Variants in PRKG1 observed in about 807,000 individuals in gnomAD.
PRKG1 encodes protein kinase cGMP-dependent 1, also known as cGMP-dependent protein kinase 1.
A neutral mutation model predicts 88.1 loss-of-function variants in PRKG1; 35 were observed. That is an observed-to-expected ratio of 0.40 (90% CI 0.30 to 0.53). The LOEUF (loss-of-function observed/expected upper bound fraction) is 0.53. Among genes scored for constraint, PRKG1 ranks in the 20% least tolerant of loss-of-function variants. The probability of loss-of-function intolerance (pLI) is 0.59; values close to 1 mark genes in which losing one functional copy is unlikely to be tolerated. For missense variants in PRKG1, 540 were observed against 839.8 expected (o/e 0.64, Z 4.41); for synonymous variants, 303 against 292.5 (o/e 1.04, Z -0.37).
intron 2 of PRKG1, among the ~76,000 whole-genome samples, chr10:51,327,525 G>C (rs535323946): frequency 6.6e-6 from 1 of 151,754 alleles, no homozygotes; most frequent in Non-Finnish European, 1.5e-5. Flanking sequence ...AAAATTGCAC[G>C]TACAGACATG....
At position 51,566,872 on chromosome 10, in the gene PRKG1, CAA is replaced by C. The variant is rs925035794; in HGVS notation, c.592+99042_592+99043del. Among the ~76,000 whole-genome samples the C allele has an allele frequency of 6.1e-5, 9 of 146,788 alleles. No homozygotes were observed. In the Middle Eastern group the frequency reaches 0.01, roughly 169 times the overall value. ...TGATAAGGACACCCCATTGGGAAGA[CAA>C]AAAAATACAGTAGATCTTAAATGTT... On this transcript the variant is annotated intron_variant, in intron 3 of 17. Transcript: ENST00000373980.
At chr10:51,284,628 G>A (rs891649500) in intron 2 of PRKG1, among the ~76,000 whole-genome samples, 18 of 152,088 alleles carry the variant, frequency 1.2e-4, no homozygotes, top group African/African-American at 4.3e-4. Context: ...ATTTTTAAAG[G>A]TGTTTTGTAA....
chr10:52,052,374 A>G (rs931799703), intron 5 of PRKG1, among the ~76,000 whole-genome samples: 9 of 151,986 alleles, frequency 5.9e-5, no homozygotes, highest in African/African-American at 2.2e-4. Flanking sequence ...CAGGAGTTTG[A>G]GACCAGCCTG....
chr10:51,631,364 A>G (rs2132281101), intron 3 of PRKG1, among the ~76,000 whole-genome samples: 1 of 152,284 alleles, frequency 6.6e-6, no homozygotes, highest in South Asian at 2.1e-4. Flanking sequence ...TAAACTAAAT[A>G]AACTAATAGG....
intron 7 of PRKG1, among the ~76,000 whole-genome samples, chr10:52,127,606 G>A (rs923350728): frequency 2.0e-5 from 3 of 152,048 alleles, no homozygotes; most frequent in Non-Finnish European, 4.4e-5. Context: ...ACTTAGGGAA[G>A]GGGACTACTA....
chr10:52,085,199 G>A (rs1241238840), intron 7 of PRKG1, among the ~76,000 whole-genome samples: 1 of 151,946 alleles, frequency 6.6e-6, no homozygotes, highest in Admixed American at 6.6e-5. Flanking sequence ...TAAACAACCT[G>A]TAAGGAAACT....
chr10:51,472,182 A>C (rs923109424), intron 3 of PRKG1, among the ~76,000 whole-genome samples: 6 of 151,904 alleles, frequency 3.9e-5, no homozygotes, highest in African/African-American at 1.4e-4. Context: ...TATTTTACTA[A>C]GTGTCATAGA....
At chr10:52,160,355 C>A (rs1346806197) in intron 8 of PRKG1, among the ~76,000 whole-genome samples, 1 of 151,758 alleles carries the variant, frequency 6.6e-6, no homozygotes, top group Non-Finnish European at 1.5e-5. Flanking sequence ...AAGACTGTTG[C>A]CTATTATTTG....
chr10:52,136,936 T>C (rs1010779722), intron 8 of PRKG1, among the ~76,000 whole-genome samples: 2 of 152,064 alleles, frequency 1.3e-5, no homozygotes, highest in African/African-American at 4.8e-5. Context: ...TTGTATACTC[T>C]TAGCAGAGAA....
At chr10:52,157,327 ATATATATATATG>A (rs1838147373) in intron 8 of PRKG1, among the ~76,000 whole-genome samples, 1 of 145,102 alleles carries the variant, frequency 6.9e-6, no homozygotes, top group Non-Finnish European at 1.5e-5. Flanking sequence ...ATATATATAT[ATATATATATATG>A]TATATATATG....
chr10:52,290,879 C>T (rs1400933956), intron 17 of PRKG1, among the ~76,000 whole-genome samples: 1 of 150,804 alleles, frequency 6.6e-6, no homozygotes, highest in Non-Finnish European at 1.5e-5. Context: ...AATAAAATAA[C>T]ACTTTTTCAA....
At chr10:51,722,720 G>T (rs973892031) in intron 3 of PRKG1, among the ~76,000 whole-genome samples, 2 of 152,158 alleles carry the variant, frequency 1.3e-5, no homozygotes, top group Non-Finnish European at 2.9e-5. Context: ...AAGTAGAGCA[G>T]TAAGAAAGCA....
At chr10:51,022,066 T>C (rs1469342322) in intron 1 of PRKG1, among the ~76,000 whole-genome samples, 1 of 152,236 alleles carries the variant, frequency 6.6e-6, no homozygotes, top group Admixed American at 6.5e-5. Context: ...ATAAAATCAA[T>C]TAATATCTGA....
At chr10:51,345,617 C>T (rs1365712520) in intron 2 of PRKG1, among the ~76,000 whole-genome samples, 3 of 152,032 alleles carry the variant, frequency 2.0e-5, no homozygotes, top group African/African-American at 7.2e-5. Context: ...AAATCCCATA[C>T]ATAATCTCAT....
intron 1 of PRKG1, among the ~76,000 whole-genome samples, chr10:51,124,029 G>A (rs534943211): frequency 1.1e-4 from 16 of 152,030 alleles, no homozygotes; most frequent in African/African-American, 3.4e-4. Context: ...ACCTCCTTTC[G>A]GGCCCCACCT....
intron 2 of PRKG1, among the ~76,000 whole-genome samples, chr10:51,344,507 G>A (rs755490071): frequency 1.4e-4 from 21 of 152,238 alleles, no homozygotes; most frequent in Non-Finnish European, 2.2e-4. Flanking sequence ...TCATATACAA[G>A]GTAAACCTCC....
intron 3 of PRKG1, among the ~76,000 whole-genome samples, chr10:51,591,664 A>C (rs921248104): frequency 1.1e-4 from 16 of 152,216 alleles, no homozygotes; most frequent in Non-Finnish European, 2.1e-4. Context: ...GTTGTTAAAA[A>C]AGCATCTTCC....
chr10:51,504,864 A>T (rs960051449), intron 3 of PRKG1, among the ~76,000 whole-genome samples: 5 of 152,078 alleles, frequency 3.3e-5, no homozygotes, highest in Admixed American at 3.3e-4. Context: ...GCCTAAGGAG[A>T]TGTTGGGCTG....
At chr10:51,751,715 A>G (rs1837730291) in intron 3 of PRKG1, among the ~76,000 whole-genome samples, 1 of 152,212 alleles carries the variant, frequency 6.6e-6, no homozygotes, top group Admixed American at 6.5e-5. Context: ...ACAGAAACCT[A>G]TGCTTTCCTT....
Sources: gnomAD v4.1 joint callset for allele counts (sites outside exome capture counted in the v4.1 genomes callset) on GRCh38, gnomAD v4.1.1 for gene constraint, MANE v1.5 for transcripts, NCBI Gene and HGNC (gene_info 2026-07-23, HGNC 2026-07-21) for gene names.